The following DNM3 variants were observed in gnomAD, a reference collection of about 807,000 sequenced individuals.
DNM3 encodes the protein dynamin-3.
Under a neutral mutation model 101.6 loss-of-function variants are expected in DNM3, and 47 were observed. The observed-to-expected ratio is 0.46, with a 90% CI of 0.37 to 0.59. The LOEUF (loss-of-function observed/expected upper bound fraction) is 0.59, where lower values mean the gene tolerates loss of function less well. DNM3 is among the 20% of genes least tolerant of loss of function. DNM3 has a pLI of 0.00. For synonymous variants in DNM3, 385 were observed against 387.9 expected, an observed-to-expected ratio of 0.99 and a Z score of 0.09; for missense variants, 849 against 1,085.7, an observed-to-expected ratio of 0.78 and a Z score of 3.06.
At chr1:172,414,202 C>T (rs1451887554), downstream of DNM3, among the ~76,000 whole-genome samples, 4 of 152,170 alleles carry the variant, frequency 2.6e-5, no homozygotes, top group East Asian at 7.7e-4. Context: ...AGCACTTCAA[C>T]ACACACCTGG....
chr1:172,018,750 A>G (rs1023176060), intron 4 of DNM3, among the ~76,000 whole-genome samples: 34 of 152,358 alleles, frequency 2.2e-4, no homozygotes, highest in African/African-American at 7.9e-4. Context: ...ACAAACTGTT[A>G]TCTGTTAGAT....
At chr1:172,206,139 C>A (rs529552824) in intron 14 of DNM3, among the ~76,000 whole-genome samples, 50 of 152,164 alleles carry the variant, frequency 3.3e-4, no homozygotes, top group Middle Eastern at 3.4e-3. Context: ...ATGACAGATA[C>A]AAGTTTTGCA....
chr1:171,972,836 C>G (rs1246256374), intron 2 of DNM3, among the ~76,000 whole-genome samples: 11 of 142,982 alleles, frequency 7.7e-5, no homozygotes, highest in South Asian at 4.7e-4. Flanking sequence ...GCAACAAGAG[C>G]AAAACTCCAT....
intron 14 of DNM3, among the ~76,000 whole-genome samples, chr1:172,155,739 C>T (rs1041954130): frequency 6.6e-6 from 1 of 152,016 alleles, no homozygotes; most frequent in African/African-American, 2.4e-5. Context: ...AAAATACAAA[C>T]TTTATACCTT....
chr1:171,878,746 C>A lies in DNM3; in HGVS notation c.161+36929C>A, dbSNP rs569781049. On this transcript the variant is annotated intron_variant, in intron 1 of 20. Coordinates refer to ENST00000627582, the MANE Select transcript of DNM3 (RefSeq NM_015569.5). ...AAGGAATAATCATATCGTTTTAATC[C>A]CTAGTGGTACTTGGGTACTGTTGGG... 5.3e-5 allele frequency among the ~76,000 whole-genome samples: 8 copies of A among 152,096 alleles called. No homozygotes were observed. In the South Asian group the frequency reaches 1.7e-3, roughly 32 times the overall value.
chr1:171,920,637 G>A (rs1360866727), intron 1 of DNM3, among the ~76,000 whole-genome samples: 1 of 152,168 alleles, frequency 6.6e-6, no homozygotes, highest in Non-Finnish European at 1.5e-5. Context: ...CATTCTAAAT[G>A]TGTTTAAAAA....
intron 14 of DNM3, among the ~76,000 whole-genome samples, chr1:172,194,713 G>A (rs530723062): frequency 1.3e-5 from 2 of 151,894 alleles, no homozygotes; most frequent in East Asian, 3.9e-4. Context: ...CCATTTGCTT[G>A]GTAGATCTTC....
intron 4 of DNM3, among the ~76,000 whole-genome samples, chr1:172,004,892 C>T (rs2046575621): frequency 6.6e-6 from 1 of 151,896 alleles, no homozygotes; most frequent in South Asian, 2.1e-4. Flanking sequence ...AAAGGATTGG[C>T]AAATAGGCAG....
At position 171,964,208 on chromosome 1, in the gene DNM3, T is replaced by C. The variant is rs114228215; in HGVS notation, c.236-23448T>C. On this transcript the variant is annotated intron_variant, in intron 2 of 20. Coordinates refer to ENST00000627582, the MANE Select transcript of DNM3 (RefSeq NM_015569.5). ...TAAAGAATGCTGTTCCCTTTCCAGG[T>C]CTTTTTCCTGATCCAGGAGAGAATT... Among the ~76,000 whole-genome samples the C allele has an allele frequency of 2.4e-3, 365 of 152,292 alleles. 7 individuals are homozygous for C. Among genetic ancestry groups the C allele is most frequent in the African/African-American group, 7.9e-3 (327 of 41,584 alleles).
At chr1:172,232,597 A>G (rs2148613958) in intron 14 of DNM3, among the ~76,000 whole-genome samples, 1 of 152,294 alleles carries the variant, frequency 6.6e-6, no homozygotes, top group African/African-American at 2.4e-5. Context: ...TCTTCTCAGC[A>G]CCACACCACA....
intron 14 of DNM3, among the ~76,000 whole-genome samples, chr1:172,243,567 G>A (rs1227948267): frequency 1.3e-5 from 2 of 152,168 alleles, no homozygotes; most frequent in East Asian, 3.9e-4. Flanking sequence ...AGATATCCTA[G>A]TGTGTAGCTC....
At chr1:172,106,880 G>T (rs1191409410) in intron 13 of DNM3, among the ~76,000 whole-genome samples, 1 of 72,614 alleles carries the variant, frequency 1.4e-5, no homozygotes. Flanking sequence ...TTGAGACGGA[G>T]TCTCGCTCTG....
intron 15 of DNM3, among the ~76,000 whole-genome samples, chr1:172,282,567 TA>T (rs1457287429): frequency 6.6e-6 from 1 of 152,044 alleles, no homozygotes; most frequent in Admixed American, 6.6e-5. Context: ...CCTCAAGACT[TA>T]AAAAAATGAA....
chr1:172,193,501 T>C (rs1431168157), intron 14 of DNM3, among the ~76,000 whole-genome samples: 1 of 152,160 alleles, frequency 6.6e-6, no homozygotes, highest in African/African-American at 2.4e-5. Flanking sequence ...GGACTTTTTA[T>C]GGTTGGTAGG....
At chr1:172,319,023 C>T (rs1204097046) in intron 16 of DNM3, among the ~76,000 whole-genome samples, 28 of 152,106 alleles carry the variant, frequency 1.8e-4, no homozygotes, top group Middle Eastern at 3.4e-3. Flanking sequence ...CAGCATGGTA[C>T]TGGTACCAAA....
At chr1:172,067,826 A>G (rs912041993) in intron 10 of DNM3, among the ~76,000 whole-genome samples, 2 of 152,220 alleles carry the variant, frequency 1.3e-5, no homozygotes, top group Admixed American at 1.3e-4. Context: ...ATGTACATAT[A>G]CACATATATT....
chr1:171,944,846 T>TTG, intron 2 of DNM3, among the ~76,000 whole-genome samples: 1 of 144,816 alleles, frequency 6.9e-6, no homozygotes, highest in Non-Finnish European at 1.5e-5. Flanking sequence ...TCTTTTTTTT[T>TTG]GGTGTTTCCT....
intron 14 of DNM3, among the ~76,000 whole-genome samples, chr1:172,152,935 G>C (rs1391360554): frequency 6.6e-6 from 1 of 152,194 alleles, no homozygotes; most frequent in East Asian, 1.9e-4. Context: ...CATTCACAGT[G>C]AAAACACTAA....
At chr1:172,058,468 A>G (rs1015212911) in intron 10 of DNM3, among the ~76,000 whole-genome samples, 10 of 151,680 alleles carry the variant, frequency 6.6e-5, no homozygotes, top group South Asian at 2.1e-4. Context: ...CAGCAAATGT[A>G]AAAGAACAGA....
Sources: gnomAD v4.1 joint callset for allele counts (sites outside exome capture counted in the v4.1 genomes callset) on GRCh38, gnomAD v4.1.1 for gene constraint, MANE v1.5 for transcripts, NCBI Gene and HGNC (gene_info 2026-07-23, HGNC 2026-07-21) for gene names.